TMEM232: variants seen among roughly 807,000 people sequenced by gnomAD.
TMEM232 encodes the protein transmembrane protein 232.
Under a neutral mutation model 78.8 loss-of-function variants are expected in TMEM232, and 80 were observed. The ratio of observed to expected loss-of-function variants is 1.01; its 90% CI spans 0.85 to 1.22. TMEM232 has a LOEUF of 1.22. TMEM232 is among the 50% of genes most tolerant of loss of function. The pLI is 0.00. For missense variants in TMEM232, 881 were observed against 742.2 expected (o/e 1.19, Z -2.17); for synonymous variants, 297 against 254.3 (o/e 1.17, Z -1.60).
chr5:110,684,513 G>C (rs1793153400), intron 1 of TMEM232, among the ~76,000 whole-genome samples: 1 of 152,046 alleles, frequency 6.6e-6, no homozygotes, highest in Non-Finnish European at 1.5e-5. Context: ...AAACACTTGA[G>C]CTAAGCCCCT....
At chr5:110,526,561 G>A (rs920883573) in intron 12 of TMEM232, among the ~76,000 whole-genome samples, 1 of 151,876 alleles carries the variant, frequency 6.6e-6, no homozygotes, top group African/African-American at 2.4e-5. Flanking sequence ...AACACCCTCC[G>A]TTGGGAAGAC....
intron 11 of TMEM232, among the ~76,000 whole-genome samples, chr5:110,532,103 G>A (rs1471531630): frequency 2.0e-5 from 3 of 152,050 alleles, no homozygotes; most frequent in Non-Finnish European, 2.9e-5. Context: ...CCTCCCCCAG[G>A]AGCTTGCTAC....
intron 1 of TMEM232, among the ~76,000 whole-genome samples, chr5:110,688,312 A>G (rs533393802): frequency 1.3e-5 from 2 of 152,186 alleles, no homozygotes; most frequent in Non-Finnish European, 2.9e-5. Context: ...AAGCTGCCTT[A>G]TATTATGATT....
intron 12 of TMEM232, among the ~76,000 whole-genome samples, chr5:110,519,566 T>G (rs1179554667): frequency 1.3e-5 from 2 of 151,626 alleles, no homozygotes; most frequent in Non-Finnish European, 2.9e-5. Flanking sequence ...AGTATGGAGG[T>G]TCCTCAAAAA....
intron 4 of TMEM232, 29 bp downstream of exon 4, chr5:110,640,862 G>C (rs867881458): frequency 2.1e-6 from 3 of 1,424,688 alleles, no homozygotes; most frequent in Non-Finnish European, 2.8e-6. Context: ...AAATACTTAG[G>C]ATGCCTAATA....
chr5:110,618,355 G>A (rs1783205414), intron 8 of TMEM232, 74 bp downstream of exon 8: 2 of 1,518,828 alleles, frequency 1.3e-6, no homozygotes, highest in African/African-American at 1.4e-5. Flanking sequence ...TAACATTTAG[G>A]TACAAGGGTT....
exon 5 of TMEM232, chr5:110,388,038 G>A (rs1048819354): frequency 2.0e-5 from 3 of 152,198 alleles, no homozygotes; most frequent in Admixed American, 6.6e-5. Flanking sequence ...GTGAGTTAAG[G>A]AGCGGAAAGT....
chr5:110,572,498 G>GATC (rs774714410), intron 10 of TMEM232, among the ~76,000 whole-genome samples: 2 of 151,874 alleles, frequency 1.3e-5, no homozygotes, highest in Non-Finnish European at 2.9e-5. Flanking sequence ...ACAAATGACT[G>GATC]ACAAAAACAC....
intron 11 of TMEM232, among the ~76,000 whole-genome samples, chr5:110,564,157 G>A (rs536467540): frequency 2.4e-4 from 36 of 151,956 alleles, no homozygotes; most frequent in Non-Finnish European, 3.8e-4. Flanking sequence ...ATCTAAAAAC[G>A]GGACATTAGG....
intron 12 of TMEM232, among the ~76,000 whole-genome samples, chr5:110,512,481 C>T (rs1767924552): frequency 6.6e-6 from 1 of 151,996 alleles, no homozygotes; most frequent in South Asian, 2.1e-4. Context: ...TCAATTAATG[C>T]TTACTGAAGG....
chr5:110,521,167 C>T (rs975137196), intron 12 of TMEM232, among the ~76,000 whole-genome samples: 18 of 152,066 alleles, frequency 1.2e-4, no homozygotes, highest in African/African-American at 3.9e-4. Context: ...CTTCAGGTGA[C>T]CTCTCATCCC....
intron 1 of TMEM232, among the ~76,000 whole-genome samples, chr5:110,717,117 C>T (rs536768816): frequency 1.1e-4 from 16 of 152,146 alleles, no homozygotes; most frequent in Non-Finnish European, 1.9e-4. Context: ...TCTTCTCAGA[C>T]AACTGCCCTT....
intron 12 of TMEM232, among the ~76,000 whole-genome samples, chr5:110,459,372 G>A (rs1188699942): frequency 1.3e-5 from 2 of 152,010 alleles, no homozygotes; most frequent in Non-Finnish European, 2.9e-5. Context: ...ATATAGCACC[G>A]AGTTTGATCT....
chr5:110,731,948 CT>C (rs1212844351), intron 2 of TMEM232, among the ~76,000 whole-genome samples: 1 of 152,180 alleles, frequency 6.6e-6, no homozygotes, highest in African/African-American at 2.4e-5. Flanking sequence ...CTCTGTTTCC[CT>C]TTTAAAATTG....
chr5:110,690,541 TCAA>T (rs1050164741), intron 1 of TMEM232, among the ~76,000 whole-genome samples: 20 of 152,290 alleles, frequency 1.3e-4, no homozygotes, highest in African/African-American at 4.3e-4. Flanking sequence ...GTAAATTAGT[TCAA>T]CGATTGTGGA....
chr5:110,620,107 A>G (rs1783444351), intron 7 of TMEM232, among the ~76,000 whole-genome samples: 1 of 152,158 alleles, frequency 6.6e-6, no homozygotes, highest in Admixed American at 6.6e-5. Flanking sequence ...TTTGGTAAAG[A>G]AAAAAATCAG....
intron 7 of TMEM232, among the ~76,000 whole-genome samples, chr5:110,622,739 T>C (rs531495296): frequency 6.6e-6 from 1 of 151,814 alleles, no homozygotes; most frequent in South Asian, 2.1e-4. Flanking sequence ...ATGGTATTTC[T>C]AGTTCTAGAT....
intron 10 of TMEM232, among the ~76,000 whole-genome samples, chr5:110,577,599 C>A (rs1333482451): frequency 2.6e-5 from 4 of 151,926 alleles, no homozygotes; most frequent in Admixed American, 6.6e-5. Flanking sequence ...CTATTCACAG[C>A]AGCAAAGACA....
intron 13 of TMEM232, among the ~76,000 whole-genome samples, chr5:110,422,371 T>A (rs112467387): frequency 0.032 from 4,845 of 150,934 alleles, 269 homozygotes; most frequent in African/African-American, 0.11. Context: ...ACAAAAAAAA[T>A]TAGCCGGGCG....
Sources: gnomAD v4.1 joint callset for allele counts (sites outside exome capture counted in the v4.1 genomes callset) on GRCh38, gnomAD v4.1.1 for gene constraint, MANE v1.5 for transcripts, NCBI Gene and HGNC (gene_info 2026-07-23, HGNC 2026-07-21) for gene names.